Variants in PDE5A observed in about 807,000 individuals in gnomAD.
PDE5A encodes phosphodiesterase 5A.
In PDE5A, 67 loss-of-function variants were observed where a neutral mutation model predicts 110.2. The observed-to-expected ratio is 0.61, with a 90% CI of 0.50 to 0.75. The LOEUF is 0.75. Ranked by LOEUF, PDE5A falls within the 30% of genes least tolerant of loss-of-function variation. The pLI, the probability that PDE5A is intolerant of heterozygous loss-of-function variation, is 0.00. For synonymous variants in PDE5A, 328 were observed against 351.2 expected (o/e 0.93, Z 0.74); for missense variants, 862 against 1,045.1 (o/e 0.82, Z 2.42).
chr4:119,575,946 C>T (rs183289467), intron 3 of PDE5A, among the ~76,000 whole-genome samples: 78 of 152,276 alleles, frequency 5.1e-4, no homozygotes, highest in Admixed American at 2.2e-3. Flanking sequence ...AAACCCATCT[C>T]AAGTGCAGAG....
chr4:119,565,884 ATCC>A (rs1276469144), intron 4 of PDE5A, among the ~76,000 whole-genome samples: 1 of 151,036 alleles, frequency 6.6e-6, no homozygotes, highest in Non-Finnish European at 1.5e-5. Flanking sequence ...TGGATCTATC[ATCC>A]TCATTAAACT....
chr4:119,534,912 G>A (rs1046382440), intron 11 of PDE5A, among the ~76,000 whole-genome samples: 8 of 152,168 alleles, frequency 5.3e-5, no homozygotes, highest in Admixed American at 2.0e-4. Flanking sequence ...GTCAAGATGA[G>A]GAAAATTCTG....
chr4:119,564,214 C>T (rs1461355416), intron 5 of PDE5A, among the ~76,000 whole-genome samples: 5 of 151,888 alleles, frequency 3.3e-5, no homozygotes, highest in Non-Finnish European at 7.4e-5. Context: ...AGAATAAGGA[C>T]AACATGGATG....
intron 2 of PDE5A, among the ~76,000 whole-genome samples, chr4:119,599,834 C>T (rs1310709449): frequency 1.3e-5 from 2 of 151,162 alleles, no homozygotes; most frequent in Non-Finnish European, 2.9e-5. Context: ...TGATGAAAAC[C>T]TTAAGCTTAC....
At chr4:119,509,436 C>T (rs1431922324) in intron 15 of PDE5A, among the ~76,000 whole-genome samples, 3 of 152,032 alleles carry the variant, frequency 2.0e-5, no homozygotes, top group Admixed American at 2.0e-4. Context: ...CAAGAGGCTA[C>T]AGCAGTCCAA....
chr4:119,543,344 C>T (rs1024782145), intron 9 of PDE5A: 5 of 152,010 alleles, frequency 3.3e-5, no homozygotes, highest in African/African-American at 9.7e-5. Flanking sequence ...TGAGGAGTGA[C>T]CTCACAGAGG....
At chr4:119,576,132 G>A (rs1404183061) in intron 3 of PDE5A, among the ~76,000 whole-genome samples, 4 of 90,352 alleles carry the variant, frequency 4.4e-5, no homozygotes, top group Non-Finnish European at 9.0e-5. Flanking sequence ...AACAAGAAGA[G>A]CTAACTATCC....
At chr4:119,575,286 C>T (rs1164473806) in intron 3 of PDE5A, among the ~76,000 whole-genome samples, 4 of 152,202 alleles carry the variant, frequency 2.6e-5, no homozygotes, top group Admixed American at 2.6e-4. Context: ...AGGAGAACTT[C>T]CCCAATCTAG....
intron 11 of PDE5A, among the ~76,000 whole-genome samples, chr4:119,529,385 T>C (rs1030011390): frequency 2.0e-5 from 3 of 152,208 alleles, no homozygotes; most frequent in Admixed American, 6.5e-5. Context: ...TGAGTCTTCA[T>C]CTTCCGAAGA....
Position 119,497,453 on chromosome 4 carries a change from T to C in PDE5A, c.*1148A>G, listed in dbSNP as rs112157459. 18 of 152,264 alleles carry C rather than the reference T, an allele frequency of 1.2e-4. No homozygotes were observed. The highest frequency in any genetic ancestry group is 8.3e-4 in the South Asian group (4 of 4,832). 9.4% of individuals were successfully genotyped at this position (152,264 alleles called of 1,614,324 possible). A position where few individuals can be genotyped will look rare whatever the true frequency, so the allele number is the denominator to read the frequency against. ...TGAATGTGAGTTAAGGGCCAGTGTT[T>C]AGCATTCACATCCAGGATTCTCTGG... On this transcript the variant is annotated 3_prime_UTR_variant, in exon 21 of 21. Transcript: ENST00000354960.
intron 11 of PDE5A, among the ~76,000 whole-genome samples, chr4:119,537,033 T>C (rs967448885): frequency 2.0e-5 from 3 of 152,162 alleles, no homozygotes; most frequent in African/African-American, 7.2e-5. Flanking sequence ...ATCCTCTTGT[T>C]TGGGCAAAAG....
At chr4:119,608,293 A>G (rs952129490) in intron 1 of PDE5A, among the ~76,000 whole-genome samples, 1 of 152,214 alleles carries the variant, frequency 6.6e-6, no homozygotes, top group African/African-American at 2.4e-5. Flanking sequence ...AATGTACCCT[A>G]CTATGAAAGA....
At chr4:119,541,480 T>C (rs952960980) in intron 10 of PDE5A, among the ~76,000 whole-genome samples, 1 of 151,904 alleles carries the variant, frequency 6.6e-6, no homozygotes, top group Non-Finnish European at 1.5e-5. Context: ...TTTCCACTGG[T>C]TTATATATTC....
intron 7 of PDE5A, among the ~76,000 whole-genome samples, chr4:119,554,155 T>C (rs1727457816): frequency 6.6e-6 from 1 of 152,132 alleles, no homozygotes; most frequent in Admixed American, 6.6e-5. Context: ...AACAGTATCT[T>C]ACACATTTTA....
At chr4:119,503,951 A>T (rs563267855) in intron 18 of PDE5A, among the ~76,000 whole-genome samples, 127 of 137,598 alleles carry the variant, frequency 9.2e-4, no homozygotes, top group East Asian at 2.0e-3. Context: ...ACTTAAAAAA[A>T]TTTTTTTTAT....
chr4:119,541,458 A>G (rs1726925063), intron 10 of PDE5A, among the ~76,000 whole-genome samples: 1 of 151,944 alleles, frequency 6.6e-6, no homozygotes, highest in South Asian at 2.1e-4. Flanking sequence ...GTACATATAT[A>G]TTTGAAACAG....
chr4:119,628,623 G>T lies in PDE5A; in HGVS notation c.49C>A (p.Pro17Thr), dbSNP rs1730450668. The T allele has an allele frequency of 6.2e-7, 1 of 1,612,634 alleles. No homozygotes were observed. Among genetic ancestry groups the T allele is most frequent in the Non-Finnish European group, 8.5e-7 (1 of 1,179,154 alleles). Residue 17 changes from proline (P) to threonine (T), a missense_variant, in exon 1 of 21, where the codon CCC (proline) becomes ACC (threonine). Transcript: ENST00000354960. ...CTCTGCTGCTGCTTCTGCTGCTGGG[G>T]CTGCTGCTGCTGTCGCTGCTGCCCG... is the stretch of plus-strand genomic sequence containing the variant. The part of the protein sequence containing the change: ...SFGQQRQQQQ[P>T]QQQKQQQRDQ...
At chr4:119,547,339 C>G (rs1415856220) in intron 9 of PDE5A, among the ~76,000 whole-genome samples, 2 of 151,668 alleles carry the variant, frequency 1.3e-5, no homozygotes, top group Admixed American at 6.6e-5. Flanking sequence ...TCTTAATATC[C>G]TCATTATCCG....
In PDE5A at chr4:119,496,658, T is replaced by A. The variant is rs1000908358; in HGVS notation, c.*1943A>T. 1.3e-5 allele frequency: 2 copies of A among 152,564 alleles called. No individual in the cohort carries two copies. The highest frequency in any genetic ancestry group is 2.9e-5 in the Non-Finnish European group (2 of 67,998). 9.5% of individuals were successfully genotyped at this position (152,564 alleles called of 1,614,324 possible). ...ATCACAATGTAATAAAAAGGTTTATTAAAGATTGCTATTCTTTATGCAATT... is the reference window on the plus strand; with the variant it reads ...ATCACAATGTAATAAAAAGGTTTATAAAAGATTGCTATTCTTTATGCAATT... On this transcript the variant is annotated 3_prime_UTR_variant, in exon 21 of 21. Coordinates refer to ENST00000354960, the MANE Select transcript of PDE5A (RefSeq NM_001083.4).
Sources: allele counts gnomAD v4.1 joint callset (sites outside exome capture counted in the v4.1 genomes callset), GRCh38; gene constraint gnomAD v4.1.1; transcripts MANE v1.5; gene names NCBI Gene and HGNC (gene_info 2026-07-23, HGNC 2026-07-21).